The following FNDC3A variants were observed in gnomAD, a reference collection of about 807,000 sequenced individuals.
The protein encoded by FNDC3A is fibronectin type-III domain-containing protein 3A.
Under a neutral mutation model 148.9 loss-of-function variants are expected in FNDC3A, and 32 were observed. That is an observed-to-expected ratio of 0.21 (90% confidence interval 0.16 to 0.29). The LOEUF (loss-of-function observed/expected upper bound fraction) is 0.29, where lower values mean the gene tolerates loss of function less well. FNDC3A is among the 10% of genes least tolerant of loss of function. The pLI is 1.00. For missense variants in FNDC3A, 1,191 were observed against 1,452.8 expected (o/e 0.82, Z 2.93); for synonymous variants, 472 against 473.6 (o/e 1.00, Z 0.04).
At chr13:49,076,208 C>T (rs1248732580) in intron 3 of FNDC3A, among the ~76,000 whole-genome samples, 1 of 151,972 alleles carries the variant, frequency 6.6e-6, no homozygotes, top group African/African-American at 2.4e-5. Flanking sequence ...CTGCTGTTTA[C>T]TAGCTACATG....
chr13:49,124,768 T>C (rs894434804), intron 4 of FNDC3A, among the ~76,000 whole-genome samples: 2 of 152,176 alleles, frequency 1.3e-5, no homozygotes, highest in Non-Finnish European at 2.9e-5. Flanking sequence ...CATAGAACTA[T>C]AAAACTTAAA....
At chr13:48,986,244 A>G (rs1019126749) in intron 1 of FNDC3A, among the ~76,000 whole-genome samples, 2 of 152,084 alleles carry the variant, frequency 1.3e-5, no homozygotes, top group Non-Finnish European at 2.9e-5. Flanking sequence ...TTTCGAATGT[A>G]GTTTTTTTAA....
At chr13:49,039,699 T>C (rs937966590) in intron 2 of FNDC3A, among the ~76,000 whole-genome samples, 5 of 152,158 alleles carry the variant, frequency 3.3e-5, no homozygotes, top group African/African-American at 7.2e-5. Context: ...ATCATACTTT[T>C]TCTGTTTTTG....
chr13:49,013,900 A>T (rs967516591), intron 2 of FNDC3A, among the ~76,000 whole-genome samples: 1 of 151,584 alleles, frequency 6.6e-6, no homozygotes, highest in East Asian at 1.9e-4. Context: ...TTCCAATTTC[A>T]TCCATGTCCC....
At chr13:49,172,430 C>T (rs534024094) in intron 11 of FNDC3A, among the ~76,000 whole-genome samples, 1 of 152,208 alleles carries the variant, frequency 6.6e-6, no homozygotes, top group East Asian at 1.9e-4. Context: ...GCACATTATT[C>T]TCTTACTTTT....
chr13:49,018,213 A>G (rs1395983086), intron 2 of FNDC3A, among the ~76,000 whole-genome samples: 1 of 151,894 alleles, frequency 6.6e-6, no homozygotes. Context: ...ACTTGGTTCT[A>G]TTCTCCCCGT....
chr13:49,117,311 G>T (rs1383569319), intron 4 of FNDC3A, among the ~76,000 whole-genome samples: 2 of 152,058 alleles, frequency 1.3e-5, no homozygotes, highest in African/African-American at 4.8e-5. Context: ...GTTCTGTCCT[G>T]GTTTGCCTTT....
At chr13:49,160,224 T>G (rs892847794) in intron 8 of FNDC3A, among the ~76,000 whole-genome samples, 4 of 152,184 alleles carry the variant, frequency 2.6e-5, no homozygotes, top group Admixed American at 6.5e-5. Flanking sequence ...TGTGGTAGAG[T>G]TCAGCTATGA....
At chr13:49,136,638 C>A (rs144364575) in intron 6 of FNDC3A, 37 bp downstream of exon 6, 1 of 1,580,574 alleles carries the variant, frequency 6.3e-7, no homozygotes, top group Non-Finnish European at 8.7e-7. Flanking sequence ...CTCATTGATG[C>A]TATTCTCGTG....
rs534465485 is a variant in FNDC3A, at chr13:49,001,885, C to T, written c.-39-4267C>T. On this transcript the variant is annotated intron_variant, in intron 1 of 25. Transcript: ENST00000492622. ...CCTGCCTCCATTTGCCTTGTGATAT[C>T]TTATTACCTTGTGAAGCGTGTGATC... Among the ~76,000 whole-genome samples the T allele has an allele frequency of 2.0e-5, 3 of 152,226 alleles. No homozygotes were observed. The South Asian group carries it at 6.2e-4, about 32-fold the overall frequency.
rs373708987 is a variant in FNDC3A, at chr13:49,072,239, A to G, written c.100-3050A>G. Among the ~76,000 whole-genome samples the G allele has an allele frequency of 5.2e-3, 794 of 152,156 alleles. 5 individuals carry two copies. Among genetic ancestry groups the G allele is most frequent in the African/African-American group, 0.018 (758 of 41,498 alleles). On this transcript the variant is annotated intron_variant, in intron 2 of 25. Transcript: ENST00000492622. Reference sequence around the variant, plus strand: ...AGTTTAATTCTTCTGCCTAATAGAAAACCGGTTTTCTGAGCACTATTTACT... The same window carrying G: ...AGTTTAATTCTTCTGCCTAATAGAAGACCGGTTTTCTGAGCACTATTTACT...
intron 20 of FNDC3A, among the ~76,000 whole-genome samples, 175 bp from the exon 21 acceptor site, chr13:49,197,550 A>G (rs897831344): frequency 6.6e-6 from 1 of 151,026 alleles, no homozygotes; most frequent in African/African-American, 2.4e-5. Context: ...TCTTAAATTC[A>G]GATAATCTTA....
At chr13:49,181,488 A>G (rs1885300420) in intron 14 of FNDC3A, among the ~76,000 whole-genome samples, 1 of 152,208 alleles carries the variant, frequency 6.6e-6, no homozygotes, top group South Asian at 2.1e-4. Context: ...GATCCTTGCC[A>G]AAATTTGGAA....
rs1886766878 is a variant in FNDC3A at position 49,208,771 on chromosome 13, AATTT to A, written c.*1380_*1383del. Reference sequence around the variant, plus strand: ...TAAAACACCTGTAACTAGCTTTTTTAATTTATTATTTGAATTTTAGGATAGCGAA... The same window carrying A: ...TAAAACACCTGTAACTAGCTTTTTTAATTATTTGAATTTTAGGATAGCGAA... On this transcript the variant is annotated 3_prime_UTR_variant, in exon 26 of 26. Transcript: ENST00000492622. The A allele has an allele frequency of 1.3e-5, 2 of 152,564 alleles. No individual in the cohort carries two copies. Among genetic ancestry groups the A allele is most frequent in the Non-Finnish European group, 1.5e-5 (1 of 68,000 alleles). The allele number at this position is 152,564 out of a possible 1,614,324, so 9.5% of individuals were successfully genotyped here. A position where few individuals can be genotyped will look rare whatever the true frequency, so the allele number is the denominator to read the frequency against.
intron 2 of FNDC3A, among the ~76,000 whole-genome samples, chr13:49,032,601 T>C (rs1215343353): frequency 1.3e-5 from 2 of 152,096 alleles, no homozygotes; most frequent in East Asian, 3.9e-4. Flanking sequence ...CCGGGTGTGG[T>C]GGAGGGCGCC....
intron 14 of FNDC3A, among the ~76,000 whole-genome samples, chr13:49,185,723 A>G (rs190802886): frequency 6.6e-6 from 1 of 152,316 alleles, no homozygotes; most frequent in East Asian, 1.9e-4. Flanking sequence ...GTATCAAAAT[A>G]TTAGGTTTTA....
intron 1 of FNDC3A, among the ~76,000 whole-genome samples, chr13:48,982,146 T>C (rs963484020): frequency 1.3e-5 from 2 of 152,140 alleles, no homozygotes; most frequent in African/African-American, 4.8e-5. Flanking sequence ...GAGCCATAAC[T>C]TGAAGGATTA....
At chr13:49,132,755 C>G (rs1489546314) in intron 5 of FNDC3A, among the ~76,000 whole-genome samples, 1 of 152,192 alleles carries the variant, frequency 6.6e-6, no homozygotes, top group Non-Finnish European at 1.5e-5. Flanking sequence ...ACATGGTGTT[C>G]TCTCTGCCTT....
upstream of FNDC3A, chr13:48,975,852 C>T (rs1165110840): frequency 6.6e-6 from 1 of 151,490 alleles, no homozygotes; most frequent in African/African-American, 2.4e-5. Context: ...GGGTCCCGGC[C>T]GCGGGCTCCG....
Sources: gnomAD v4.1 joint callset for allele counts (sites outside exome capture counted in the v4.1 genomes callset) on GRCh38, gnomAD v4.1.1 for gene constraint, MANE v1.5 for transcripts, NCBI Gene and HGNC (gene_info 2026-07-23, HGNC 2026-07-21) for gene names.